The following LPP variants were observed in gnomAD, a reference collection of about 807,000 sequenced individuals.
LPP encodes the protein LIM domain containing preferred translocation partner in lipoma.
Under a neutral mutation model 60.4 loss-of-function variants are expected in LPP, and 38 were observed. The ratio of observed to expected loss-of-function variants is 0.63; its 90% CI spans 0.49 to 0.83. The LOEUF is 0.83. Among genes scored for constraint, LPP ranks in the 40% least tolerant of loss-of-function variants. LPP has a pLI of 0.00. For synonymous variants in LPP, 328 were observed against 290.8 expected (o/e 1.13, Z -1.30); for missense variants, 902 against 783.6 (o/e 1.15, Z -1.80).
intron 4 of LPP, among the ~76,000 whole-genome samples, chr3:188,439,355 T>C (rs2149240055): frequency 6.6e-6 from 1 of 152,354 alleles, no homozygotes; most frequent in Non-Finnish European, 1.5e-5. Context: ...ATGAGTTACT[T>C]TACAGCTCTC....
intron 6 of LPP, among the ~76,000 whole-genome samples, chr3:188,600,452 T>C (rs1840912162): frequency 6.6e-6 from 1 of 151,568 alleles, no homozygotes; most frequent in Non-Finnish European, 1.5e-5. Flanking sequence ...TATAGATAGA[T>C]GCATTACTTA....
intron 3 of LPP, among the ~76,000 whole-genome samples, chr3:188,349,668 G>A (rs1765323884): frequency 6.6e-6 from 1 of 152,120 alleles, no homozygotes. Flanking sequence ...CCTATCCTCT[G>A]CAATAGGTTC....
At chr3:188,241,706 T>G (rs1417936331) in intron 2 of LPP, among the ~76,000 whole-genome samples, 1 of 152,020 alleles carries the variant, frequency 6.6e-6, no homozygotes, top group Non-Finnish European at 1.5e-5. Context: ...ACAACCTATT[T>G]TTAAAGAATC....
chr3:188,567,348 A>G (rs952314119), intron 6 of LPP, among the ~76,000 whole-genome samples: 1 of 151,932 alleles, frequency 6.6e-6, no homozygotes, highest in Non-Finnish European at 1.5e-5. Context: ...TAAATGTATT[A>G]TACTCTATTA....
intron 4 of LPP, among the ~76,000 whole-genome samples, chr3:188,455,837 C>T (rs1035778379): frequency 5.3e-5 from 8 of 152,126 alleles, no homozygotes; most frequent in East Asian, 1.9e-4. Flanking sequence ...GGTTGTAAAA[C>T]GGTAAATCTA....
chr3:188,702,763 C>T (rs1864735454), intron 7 of LPP, among the ~76,000 whole-genome samples: 1 of 152,148 alleles, frequency 6.6e-6, no homozygotes, highest in Non-Finnish European at 1.5e-5. Context: ...GAAAGGTTTG[C>T]TTCACAATGT....
chr3:188,395,226 A>T (rs1780630814), intron 3 of LPP, among the ~76,000 whole-genome samples: 2 of 152,070 alleles, frequency 1.3e-5, no homozygotes, highest in Admixed American at 1.3e-4. Flanking sequence ...TGATTTTTAA[A>T]AACTTATTTA....
chr3:188,562,045 GCACACACAGA>G (rs66520436), intron 6 of LPP, among the ~76,000 whole-genome samples: 2,524 of 52,448 alleles, frequency 0.048, 66 homozygotes, highest in East Asian at 0.3. Flanking sequence ...TTATAATCAC[GCACACACAGA>G]CACACACAGA....
At chr3:188,496,886 A>T (rs866975841) in intron 5 of LPP, among the ~76,000 whole-genome samples, 159 of 152,210 alleles carry the variant, frequency 1.0e-3, no homozygotes, top group African/African-American at 3.6e-3. Context: ...AAATGTTTTC[A>T]TAATTTTTAG....
chr3:188,335,174 A>T (rs1046444194), intron 2 of LPP, among the ~76,000 whole-genome samples: 2 of 152,212 alleles, frequency 1.3e-5, no homozygotes, highest in African/African-American at 4.8e-5. Context: ...TGGGTTTATC[A>T]TGTGAAGTGT....
intron 2 of LPP, among the ~76,000 whole-genome samples, chr3:188,269,391 G>A (rs966836414): frequency 3.3e-5 from 5 of 152,084 alleles, no homozygotes; most frequent in Non-Finnish European, 7.3e-5. Flanking sequence ...AGTATTACCT[G>A]GCTGGTGAAT....
chr3:188,361,535 T>TCCTCTCCTCTCCTCC (rs1769358011), intron 3 of LPP, among the ~76,000 whole-genome samples: 1 of 121,486 alleles, frequency 8.2e-6, no homozygotes, highest in African/African-American at 2.9e-5. Flanking sequence ...TCCTCTCCTC[T>TCCTCTCCTCTCCTCC]CCTCTCCTCC....
chr3:188,590,111 G>A (rs1443102781), intron 6 of LPP, among the ~76,000 whole-genome samples: 4 of 152,136 alleles, frequency 2.6e-5, no homozygotes, highest in Non-Finnish European at 5.9e-5. Flanking sequence ...AGACCCAGGT[G>A]AGCAATGTAA....
chr3:188,656,821 G>A (rs1853323402), intron 7 of LPP, among the ~76,000 whole-genome samples: 1 of 152,148 alleles, frequency 6.6e-6, no homozygotes, highest in African/African-American at 2.4e-5. Context: ...ATGCCACTGA[G>A]GGCTGCCCAA....
At chr3:188,236,683 T>C (rs1466062158) in intron 2 of LPP, among the ~76,000 whole-genome samples, 7 of 152,212 alleles carry the variant, frequency 4.6e-5, no homozygotes, top group East Asian at 1.9e-4. Context: ...CTCTTAAGTG[T>C]GAAATAGCAT....
intron 2 of LPP, among the ~76,000 whole-genome samples, chr3:188,259,595 C>G (rs1285157289): frequency 6.6e-6 from 1 of 152,224 alleles, no homozygotes; most frequent in Non-Finnish European, 1.5e-5. Context: ...CCTTCTACTA[C>G]TGTAAGCTTC....
At chr3:188,841,437 G>A (rs1759987998) in intron 9 of LPP, among the ~76,000 whole-genome samples, 2 of 132,652 alleles carry the variant, frequency 1.5e-5, no homozygotes, top group Non-Finnish European at 3.0e-5. Flanking sequence ...CTGTCACCAA[G>A]CTGGAGTGCA....
chr3:188,784,295 A>C (rs995931979), intron 9 of LPP, among the ~76,000 whole-genome samples: 7 of 144,014 alleles, frequency 4.9e-5, no homozygotes, highest in African/African-American at 1.8e-4. Context: ...TCATATATAT[A>C]TATTCCATCA....
intron 2 of LPP, among the ~76,000 whole-genome samples, chr3:188,318,518 CT>C (rs1755819215): frequency 6.6e-6 from 1 of 151,630 alleles, no homozygotes; most frequent in Non-Finnish European, 1.5e-5. Flanking sequence ...AAGTCCTTTT[CT>C]TTTAGCAGAA....
Sources: allele counts gnomAD v4.1 joint callset (sites outside exome capture counted in the v4.1 genomes callset), GRCh38; gene constraint gnomAD v4.1.1; transcripts MANE v1.5; gene names NCBI Gene and HGNC (gene_info 2026-07-23, HGNC 2026-07-21).